Variants in CNTNAP5 observed in about 807,000 individuals in gnomAD.
The protein encoded by CNTNAP5 is contactin-associated protein-like 5.
CNTNAP5 carries 72 observed loss-of-function variants against 150.2 expected under a neutral mutation model. The ratio of observed to expected loss-of-function variants is 0.48; its 90% confidence interval spans 0.40 to 0.58. CNTNAP5 has a LOEUF of 0.58. CNTNAP5 is among the 20% of genes least tolerant of loss of function. The pLI is 0.00. For synonymous variants in CNTNAP5, 672 were observed against 619.8 expected, an observed-to-expected ratio of 1.08 and a Z score of -1.25; for missense variants, 1,636 against 1,626.2, an observed-to-expected ratio of 1.01 and a Z score of -0.10.
At chr2:124,598,773 C>G (rs1696898978) in intron 11 of CNTNAP5, among the ~76,000 whole-genome samples, 1 of 152,202 alleles carries the variant, frequency 6.6e-6, no homozygotes, top group South Asian at 2.1e-4. Flanking sequence ...TGATCTCAGA[C>G]TGCTGTCCTA....
At chr2:124,418,752 ATATG>A (rs1178396833) in intron 4 of CNTNAP5, among the ~76,000 whole-genome samples, 1 of 152,200 alleles carries the variant, frequency 6.6e-6, no homozygotes, top group African/African-American at 2.4e-5. Context: ...CTACAAGGGT[ATATG>A]TGTCCTATCC....
intron 3 of CNTNAP5, among the ~76,000 whole-genome samples, chr2:124,281,511 G>C (rs1688011008): frequency 6.6e-6 from 1 of 152,118 alleles, no homozygotes; most frequent in Non-Finnish European, 1.5e-5. Context: ...ACCATGGAAA[G>C]TTTCAGGTGA....
chr2:124,317,050 T>C (rs961184149), intron 3 of CNTNAP5, among the ~76,000 whole-genome samples: 1 of 152,076 alleles, frequency 6.6e-6, no homozygotes, highest in African/African-American at 2.4e-5. Context: ...GTGGGTGCTA[T>C]GCAGCAACAT....
intron 13 of CNTNAP5, among the ~76,000 whole-genome samples, chr2:124,652,337 G>A (rs192413265): frequency 1.8e-4 from 28 of 152,108 alleles, no homozygotes; most frequent in Non-Finnish European, 2.8e-4. Context: ...CAGAGCCCAG[G>A]GGGGGAGAAT....
chr2:124,233,407 T>G (rs1686671487), intron 2 of CNTNAP5, among the ~76,000 whole-genome samples: 1 of 152,136 alleles, frequency 6.6e-6, no homozygotes, highest in Non-Finnish European at 1.5e-5. Flanking sequence ...CCAAGTTCCT[T>G]AAGTGATTCT....
intron 12 of CNTNAP5, among the ~76,000 whole-genome samples, chr2:124,643,989 A>G (rs1017781685): frequency 2.0e-5 from 3 of 152,252 alleles, no homozygotes; most frequent in African/African-American, 7.2e-5. Context: ...GTGCTGGCAC[A>G]CAAACCCAGA....
chr2:124,382,626 T>G (rs752135920), intron 3 of CNTNAP5, among the ~76,000 whole-genome samples: 1 of 152,138 alleles, frequency 6.6e-6, no homozygotes, highest in Non-Finnish European at 1.5e-5. Flanking sequence ...ATATACACTC[T>G]CCAATTTATT....
At chr2:124,093,701 A>G (rs1409333029) in intron 1 of CNTNAP5, among the ~76,000 whole-genome samples, 1 of 152,172 alleles carries the variant, frequency 6.6e-6, no homozygotes, top group Admixed American at 6.5e-5. Flanking sequence ...TTATTTGTTC[A>G]CTCTCTCTAA....
intron 22 of CNTNAP5, among the ~76,000 whole-genome samples, chr2:124,906,039 T>A (rs1242446841): frequency 6.6e-6 from 1 of 152,130 alleles, no homozygotes; most frequent in African/African-American, 2.4e-5. Context: ...CAGCTAGCCC[T>A]GAGAGGGGCA....
chr2:124,720,518 C>T (rs1446404921), intron 13 of CNTNAP5, among the ~76,000 whole-genome samples: 1 of 152,010 alleles, frequency 6.6e-6, no homozygotes, highest in Non-Finnish European at 1.5e-5. Context: ...ACCTTCTTTG[C>T]ATCCCAAGAA....
chr2:124,345,980 G>C (rs1284727346), intron 3 of CNTNAP5, among the ~76,000 whole-genome samples: 1 of 152,176 alleles, frequency 6.6e-6, no homozygotes, highest in Non-Finnish European at 1.5e-5. Context: ...TGAATCTAAT[G>C]CTGTTTTTTA....
intron 13 of CNTNAP5, among the ~76,000 whole-genome samples, chr2:124,650,396 A>T (rs780827119): frequency 2.0e-5 from 3 of 152,202 alleles, no homozygotes; most frequent in Non-Finnish European, 4.4e-5. Context: ...TCCCCCATGC[A>T]TGTGAGCTCA....
chr2:124,817,865 T>C (rs1272341521), intron 19 of CNTNAP5, among the ~76,000 whole-genome samples: 4 of 152,038 alleles, frequency 2.6e-5, no homozygotes, highest in Non-Finnish European at 1.5e-5. Flanking sequence ...TGGGGGTAAA[T>C]AAAAAGGAGG....
At chr2:124,197,304 C>G (rs536299765) in intron 1 of CNTNAP5, among the ~76,000 whole-genome samples, 2 of 151,506 alleles carry the variant, frequency 1.3e-5, no homozygotes, top group Non-Finnish European at 2.9e-5. Context: ...AAAGTTTTAC[C>G]ATCTACACTT....
chr2:124,339,575 A>G (rs1204432286), intron 3 of CNTNAP5, among the ~76,000 whole-genome samples: 1 of 152,190 alleles, frequency 6.6e-6, no homozygotes, highest in Admixed American at 6.6e-5. Context: ...TTAACTGGAG[A>G]AAAGGAATAC....
chr2:124,519,842 C>T (rs1694813296), intron 8 of CNTNAP5, among the ~76,000 whole-genome samples: 1 of 152,170 alleles, frequency 6.6e-6, no homozygotes, highest in Non-Finnish European at 1.5e-5. Context: ...TAGGAAAGCG[C>T]AGGGCAGCCT....
At chr2:124,223,911 C>A (rs992703221) in intron 2 of CNTNAP5, among the ~76,000 whole-genome samples, 5 of 151,392 alleles carry the variant, frequency 3.3e-5, no homozygotes, top group Non-Finnish European at 7.4e-5. Flanking sequence ...TCCTCTAGTG[C>A]ATATTCCAAG....
At chr2:124,097,799 C>T (rs1682971335) in intron 1 of CNTNAP5, among the ~76,000 whole-genome samples, 1 of 152,146 alleles carries the variant, frequency 6.6e-6, no homozygotes, top group African/African-American at 2.4e-5. Flanking sequence ...GCGGCCGAGG[C>T]GGGAGGATCA....
At chr2:124,251,297 C>G (rs1043691008) in intron 3 of CNTNAP5, among the ~76,000 whole-genome samples, 1 of 151,708 alleles carries the variant, frequency 6.6e-6, no homozygotes, top group South Asian at 2.1e-4. Flanking sequence ...CCCCCACCCC[C>G]CCAAGTATTG....
Sources: gnomAD v4.1 joint callset for allele counts (sites outside exome capture counted in the v4.1 genomes callset) on GRCh38, gnomAD v4.1.1 for gene constraint, MANE v1.5 for transcripts, NCBI Gene and HGNC (gene_info 2026-07-23, HGNC 2026-07-21) for gene names.